Variants in CACNB2 observed in about 807,000 individuals in gnomAD.
CACNB2 encodes calcium voltage-gated channel auxiliary subunit beta 2, also known as voltage-dependent L-type calcium channel subunit beta-2.
In CACNB2, 42 loss-of-function variants were observed where a neutral mutation model predicts 73.3. The ratio of observed to expected loss-of-function variants is 0.57; its 90% confidence interval spans 0.45 to 0.74. The LOEUF (loss-of-function observed/expected upper bound fraction) is 0.74. Among genes scored for constraint, CACNB2 ranks in the 30% least tolerant of loss-of-function variants. The pLI, the probability that CACNB2 is intolerant of heterozygous loss-of-function variation, is 0.00. For missense variants in CACNB2, 940 were observed against 853.0 expected, an observed-to-expected ratio of 1.10 and a Z score of -1.27; for synonymous variants, 348 against 310.3, an observed-to-expected ratio of 1.12 and a Z score of -1.28.
At chr10:18,309,011 A>G (rs932102626) in intron 2 of CACNB2, among the ~76,000 whole-genome samples, 3 of 152,186 alleles carry the variant, frequency 2.0e-5, no homozygotes, top group Non-Finnish European at 4.4e-5. Flanking sequence ...TAAAATAGAA[A>G]AAAAAAACTT....
Position 18,540,156 on chromosome 10 carries a change from G to A in CACNB2, c.*432G>A, listed in dbSNP as rs886046894. ...GCATCTGATTTGCATATTCATTCAT[G>A]GACCACTGTTTCTTGCTTGTACCTC... On this transcript the variant is annotated 3_prime_UTR_variant, in exon 14 of 14. Transcript: ENST00000324631. 2 of 195,888 alleles carry A rather than the reference G, an allele frequency of 1.0e-5. No individual in the cohort carries two copies. Among genetic ancestry groups the A allele is most frequent in the African/African-American group, 2.4e-5 (1 of 41,980 alleles). The allele number at this position is 195,888 out of a possible 1,614,324, so 12.1% of individuals were successfully genotyped here.
chr10:18,304,720 A>G (rs1300629898), intron 2 of CACNB2, among the ~76,000 whole-genome samples: 1 of 152,212 alleles, frequency 6.6e-6, no homozygotes, highest in Non-Finnish European at 1.5e-5. Context: ...TCCAAAACAT[A>G]AGTAAATCTT....
chr10:18,304,051 G>T (rs907874015), intron 2 of CACNB2, among the ~76,000 whole-genome samples: 2 of 152,094 alleles, frequency 1.3e-5, no homozygotes, highest in Non-Finnish European at 2.9e-5. Flanking sequence ...AAACTTCCAG[G>T]CTCCATCGAT....
At chr10:18,173,088 T>C (rs2033361152) in intron 2 of CACNB2, among the ~76,000 whole-genome samples, 1 of 151,898 alleles carries the variant, frequency 6.6e-6, no homozygotes, top group African/African-American at 2.4e-5. Context: ...GACTGGCTAA[T>C]TTTGTGTTTT....
chr10:18,157,053 A>C (rs1290455594), intron 2 of CACNB2, among the ~76,000 whole-genome samples: 1 of 140,018 alleles, frequency 7.1e-6, no homozygotes, highest in Non-Finnish European at 1.5e-5. Flanking sequence ...CAAGAACGAA[A>C]CTTTGTCTCA....
chr10:18,289,401 T>C (rs1281700436), intron 2 of CACNB2, among the ~76,000 whole-genome samples: 2 of 150,654 alleles, frequency 1.3e-5, no homozygotes, highest in African/African-American at 2.5e-5. Context: ...TTCATGCCAT[T>C]CTCCTGCCTC....
intron 2 of CACNB2, among the ~76,000 whole-genome samples, chr10:18,329,299 G>C (rs1280477387): frequency 6.6e-6 from 1 of 152,122 alleles, no homozygotes; most frequent in Non-Finnish European, 1.5e-5. Context: ...ATTCTCCCTG[G>C]TAAAGTGCTA....
intron 2 of CACNB2, among the ~76,000 whole-genome samples, chr10:18,370,702 T>C (rs1477380756): frequency 6.6e-6 from 1 of 152,232 alleles, no homozygotes; most frequent in African/African-American, 2.4e-5. Context: ...TCATGCTTAC[T>C]TAAAATTTCC....
chr10:18,175,529 C>G (rs958544155), intron 2 of CACNB2, among the ~76,000 whole-genome samples: 1 of 152,102 alleles, frequency 6.6e-6, no homozygotes, highest in African/African-American at 2.4e-5. Flanking sequence ...ATTTGTGTCT[C>G]TTTGTCTTTC....
At chr10:18,479,206 T>C (rs540436437) in intron 3 of CACNB2, among the ~76,000 whole-genome samples, 2 of 152,350 alleles carry the variant, frequency 1.3e-5, no homozygotes, top group East Asian at 1.9e-4. Flanking sequence ...ATCTGTATTA[T>C]ATAACATATA....
At chr10:18,290,229 G>A (rs1054483530) in intron 2 of CACNB2, among the ~76,000 whole-genome samples, 3 of 142,684 alleles carry the variant, frequency 2.1e-5, no homozygotes, top group Non-Finnish European at 4.5e-5. Context: ...GTTTCACCGT[G>A]TTGGTCAGGC....
At chr10:18,238,142 G>T (rs1461471304) in intron 2 of CACNB2, among the ~76,000 whole-genome samples, 1 of 152,150 alleles carries the variant, frequency 6.6e-6, no homozygotes, top group Non-Finnish European at 1.5e-5. Flanking sequence ...CTTGCATTTG[G>T]CATGTGGTTT....
At chr10:18,238,993 G>A (rs566996129) in intron 2 of CACNB2, among the ~76,000 whole-genome samples, 4 of 152,114 alleles carry the variant, frequency 2.6e-5, no homozygotes, top group Non-Finnish European at 5.9e-5. Flanking sequence ...TTTAAGATTT[G>A]ATGGCAGCTG....
chr10:18,491,818 T>TAAA (rs2049445340), intron 3 of CACNB2, among the ~76,000 whole-genome samples: 1 of 22,650 alleles, frequency 4.4e-5, no homozygotes, highest in African/African-American at 2.2e-4. Context: ...TTCAAGTTGG[T>TAAA]TAAAAAAAAA....
chr10:18,427,588 C>T (rs1460700693), intron 3 of CACNB2, among the ~76,000 whole-genome samples: 1 of 152,156 alleles, frequency 6.6e-6, no homozygotes, highest in African/African-American at 2.4e-5. Context: ...CTATAACTCA[C>T]TGGGAAAATT....
intron 2 of CACNB2, among the ~76,000 whole-genome samples, chr10:18,269,726 C>A (rs1321294610): frequency 6.6e-6 from 1 of 152,176 alleles, no homozygotes; most frequent in Non-Finnish European, 1.5e-5. Context: ...CAAGACTGAG[C>A]TCCATCCTTG....
intron 3 of CACNB2, among the ~76,000 whole-genome samples, chr10:18,422,641 C>T (rs574831744): frequency 7.9e-5 from 12 of 152,240 alleles, no homozygotes; most frequent in African/African-American, 2.9e-4. Context: ...TTTCTCTTGC[C>T]AAACATGTAC....
At chr10:18,443,032 ATATAAATAAGGAACTTAAC>A (rs2046552346) in intron 3 of CACNB2, among the ~76,000 whole-genome samples, 1 of 134,694 alleles carries the variant, frequency 7.4e-6, no homozygotes, top group South Asian at 2.3e-4. Flanking sequence ...ATATATATAT[ATATAAATAAGGAACTTAAC>A]TATACATAAT....
intron 2 of CACNB2, among the ~76,000 whole-genome samples, chr10:18,301,745 T>A (rs1164927355): frequency 6.6e-6 from 1 of 151,474 alleles, no homozygotes; most frequent in Non-Finnish European, 1.5e-5. Flanking sequence ...GCCTTCTGGG[T>A]TCCAATGATT....
Sources: allele counts gnomAD v4.1 joint callset (sites outside exome capture counted in the v4.1 genomes callset), GRCh38; gene constraint gnomAD v4.1.1; transcripts MANE v1.5; gene names NCBI Gene and HGNC (gene_info 2026-07-23, HGNC 2026-07-21).